DCHS2: variants seen among roughly 807,000 people sequenced by gnomAD.
DCHS2 encodes protocadherin-23.
A neutral mutation model predicts 182.4 loss-of-function variants in DCHS2; 142 were observed. The observed-to-expected ratio is 0.78, with a 90% CI of 0.68 to 0.89. The LOEUF is 0.89. DCHS2 is among the 40% of genes least tolerant of loss of function. DCHS2 has a pLI of 0.00. For synonymous variants in DCHS2, 1,740 were observed against 1,663.3 expected (o/e 1.05, Z -1.12); for missense variants, 4,319 against 4,198.6 (o/e 1.03, Z -0.79).
At chr4:154,265,946 G>A (rs983829303) in intron 14 of DCHS2, among the ~76,000 whole-genome samples, 12 of 152,098 alleles carry the variant, frequency 7.9e-5, no homozygotes, top group Non-Finnish European at 1.5e-4. Flanking sequence ...TTCTATATAT[G>A]CATACCTATG....
intron 1 of DCHS2, among the ~76,000 whole-genome samples, chr4:154,380,766 A>C (rs1184317851): frequency 2.0e-5 from 3 of 152,140 alleles, no homozygotes; most frequent in African/African-American, 7.2e-5. Flanking sequence ...TTGTGACCAA[A>C]ATACCTAAAA....
chr4:154,482,677 TG>T (rs1323030725), intron 1 of DCHS2, among the ~76,000 whole-genome samples: 2 of 152,048 alleles, frequency 1.3e-5, no homozygotes, highest in Non-Finnish European at 2.9e-5. Context: ...AAAGGAGAAA[TG>T]GAGTGATTGA....
intron 13 of DCHS2, among the ~76,000 whole-genome samples, chr4:154,275,743 G>A (rs919373318): frequency 2.0e-5 from 3 of 151,998 alleles, no homozygotes; most frequent in Admixed American, 1.3e-4. Context: ...TCTTGCTGAC[G>A]GCCTTTTTTT....
chr4:154,266,395 G>C (rs1013417598), intron 14 of DCHS2, among the ~76,000 whole-genome samples: 1 of 151,996 alleles, frequency 6.6e-6, no homozygotes, highest in Non-Finnish European at 1.5e-5. Context: ...TAAAAGCTTC[G>C]CCTGTAATCC....
rs752139830 is a variant in DCHS2 at position 154,490,317 on chromosome 4, C to A, written c.1039G>T (p.Gly347Cys). ...TAGGCCGCGTCGCCCAGTGCCCCGC[C>A]GCCGCTACCCGCCCCAGGCACTTGC... ...ARQVPGAGSGGGALGDAAYFA... is the reference protein window; with the variant it reads ...ARQVPGAGSGCGALGDAAYFA... The change falls in exon 1 of 20, where the codon GGC (glycine) becomes TGC (cysteine). Residue 347 changes from glycine (G) to cysteine (C), a missense_variant. By Grantham distance (159) the Gly-to-Cys change is radical (BLOSUM62 -3). Coordinates refer to ENST00000357232, the MANE Select transcript of DCHS2 (RefSeq NM_001358235.2). 3.2e-6 allele frequency: 5 copies of A among 1,544,766 alleles called. No homozygotes were observed. The highest frequency in any genetic ancestry group is 4.4e-6 in the Non-Finnish European group (5 of 1,146,366).
chr4:154,392,531 A>C (rs1167105936), intron 1 of DCHS2, among the ~76,000 whole-genome samples: 5 of 152,230 alleles, frequency 3.3e-5, no homozygotes, highest in Non-Finnish European at 5.9e-5. Flanking sequence ...GACTGACTGC[A>C]CTATAGCTAA....
chr4:154,434,489 A>T (rs1390498400), intron 1 of DCHS2, among the ~76,000 whole-genome samples: 1 of 150,814 alleles, frequency 6.6e-6, no homozygotes, highest in Non-Finnish European at 1.5e-5. Flanking sequence ...TTGAAGTAGT[A>T]AATTTGATGA....
At chr4:154,243,953 G>T (rs1051246694) in intron 16 of DCHS2, among the ~76,000 whole-genome samples, 1 of 152,092 alleles carries the variant, frequency 6.6e-6, no homozygotes, top group African/African-American at 2.4e-5. Flanking sequence ...TCTCTAAGAG[G>T]TTATCCAAAC....
chr4:154,235,769 A>G lies in DCHS2; in HGVS notation c.8883T>C (p.His2961=), dbSNP rs778252944. Residue 2961 remains histidine, a synonymous_variant, in exon 20 of 20, where the codon CAT becomes CAC. Coordinates refer to ENST00000357232, the MANE Select transcript of DCHS2 (RefSeq NM_001358235.2). ...CAAACTTGGAATCTGATTTGGGACT[A>G]TGAGCGATTATTTTCATTTCCAAGG... The part of the protein sequence containing the change: ...EDTLEMKIIA[H]SPKSDSKFAS... 3.1e-6 allele frequency: 5 copies of G among 1,613,952 alleles called. No homozygotes were observed. Among genetic ancestry groups the G allele is most frequent in the Admixed American group, 1.7e-5 (1 of 60,002 alleles).
chr4:154,382,783 A>G (rs970125597), intron 1 of DCHS2, among the ~76,000 whole-genome samples: 4 of 152,208 alleles, frequency 2.6e-5, no homozygotes, highest in Admixed American at 6.5e-5. Context: ...AATGCAAATC[A>G]ATACCACAAT....
chr4:154,375,076 A>C (rs368720167), intron 2 of DCHS2, among the ~76,000 whole-genome samples: 27 of 152,284 alleles, frequency 1.8e-4, no homozygotes, highest in East Asian at 7.7e-4. Flanking sequence ...TGTTGCTAGC[A>C]CTAAGGTGGA....
chr4:154,234,962 G>T lies in DCHS2; in HGVS notation c.9690C>A (p.Asp3230Glu), dbSNP rs369881851. The T allele has an allele frequency of 2.5e-6, 4 of 1,614,078 alleles. No homozygotes were observed. Among genetic ancestry groups the T allele is most frequent in the Non-Finnish European group, 3.4e-6 (4 of 1,179,976 alleles). The part of the protein sequence containing the change: ...TQTTSDHDGK[D>E]NYHWNYLLSW... ...TAAGAAGATAATTCCAGTGATAGTT[G>T]TCTTTTCCATCATGATCAGAGGTCG... is the stretch of plus-strand genomic sequence containing the variant. The change falls in exon 20 of 20, where the codon GAC becomes GAA. Residue 3230 changes from aspartate (D) to glutamate (E), a missense_variant. By Grantham distance (45) the Asp-to-Glu change is conservative. Transcript: ENST00000357232.
intron 1 of DCHS2, among the ~76,000 whole-genome samples, chr4:154,399,643 CTTTAATATTT>C (rs1732075188): frequency 6.6e-6 from 1 of 152,156 alleles, no homozygotes; most frequent in Admixed American, 6.5e-5. Flanking sequence ...GAGTTGCTAT[CTTTAATATTT>C]CAAGGAAATA....
In DCHS2 at chr4:154,453,105, C is replaced by T. The variant is rs115092026; in HGVS notation, c.2052+36199G>A. Among the ~76,000 whole-genome samples, 970 of 152,160 alleles carry T rather than the reference C, an allele frequency of 6.4e-3. 6 individuals are homozygous for T. The highest frequency in any genetic ancestry group is 0.011 in the African/African-American group (444 of 41,520). On this transcript the variant is annotated intron_variant, in intron 1 of 19. Coordinates refer to ENST00000357232, the MANE Select transcript of DCHS2 (RefSeq NM_001358235.2). ...TTAAGAATAAAGAGATGCAGCTAAACTTTGAGACCATCCCGTGCATGCAGG... is the reference window on the plus strand; with the variant it reads ...TTAAGAATAAAGAGATGCAGCTAAATTTTGAGACCATCCCGTGCATGCAGG...
chr4:154,263,923 A>G (rs1733111270), intron 14 of DCHS2, among the ~76,000 whole-genome samples: 1 of 152,114 alleles, frequency 6.6e-6, no homozygotes, highest in African/African-American at 2.4e-5. Flanking sequence ...TGTTCTTCCA[A>G]AAGGTTTTGG....
At chr4:154,256,428 G>T (rs550479241) in intron 15 of DCHS2, among the ~76,000 whole-genome samples, 1 of 152,160 alleles carries the variant, frequency 6.6e-6, no homozygotes, top group East Asian at 1.9e-4. Flanking sequence ...AGCCACTGTG[G>T]CTGGCCCTAA....
chr4:154,363,612 T>C (rs559619536), intron 3 of DCHS2, among the ~76,000 whole-genome samples: 1 of 152,236 alleles, frequency 6.6e-6, no homozygotes, highest in African/African-American at 2.4e-5. Flanking sequence ...ACAGGATGAG[T>C]AAGTTCTGAA....
Position 154,382,024 on chromosome 4 carries a change from A to C in DCHS2, c.2053-4580T>G, listed in dbSNP as rs1384682371. ...AAAGTTGGAGGCATCACATTATCCAACTTCAAATTATACTATAGGGCTACA... is the reference window on the plus strand; with the variant it reads ...AAAGTTGGAGGCATCACATTATCCACCTTCAAATTATACTATAGGGCTACA... On this transcript the variant is annotated intron_variant, in intron 1 of 19. Transcript: ENST00000357232. 2.6e-5 allele frequency among the ~76,000 whole-genome samples: 4 copies of C among 152,170 alleles called. No individual in the cohort carries two copies. In the East Asian group the frequency reaches 7.7e-4, roughly 29 times the overall value.
intron 1 of DCHS2, among the ~76,000 whole-genome samples, chr4:154,479,040 C>T (rs1168954056): frequency 6.6e-6 from 1 of 152,050 alleles, no homozygotes; most frequent in Non-Finnish European, 1.5e-5. Context: ...ACAGATAAAA[C>T]TTTAAAGCAG....
Sources: allele counts gnomAD v4.1 joint callset (sites outside exome capture counted in the v4.1 genomes callset), GRCh38; gene constraint gnomAD v4.1.1; transcripts MANE v1.5; gene names NCBI Gene and HGNC (gene_info 2026-07-23, HGNC 2026-07-21).